Variants in SEPHS1 observed in about 807,000 individuals in gnomAD.
SEPHS1 encodes zincore component SEPHS1.
SEPHS1 carries 7 observed loss-of-function variants against 39.2 expected under a neutral mutation model. That is an observed-to-expected ratio of 0.18 (90% CI 0.10 to 0.34). SEPHS1 has a LOEUF of 0.34. Among genes scored for constraint, SEPHS1 ranks in the 10% least tolerant of loss-of-function variants. The pLI is 1.00. For synonymous variants in SEPHS1, 190 were observed against 195.5 expected (o/e 0.97, Z 0.23); for missense variants, 253 against 514.5 (o/e 0.49, Z 4.92).
intron 7 of SEPHS1, 51 bp downstream of exon 7, chr10:13,328,300 A>G: frequency 7.8e-7 from 1 of 1,285,778 alleles, no homozygotes. Context: ...AGCCTAAGAC[A>G]TTTACTGTCT....
In SEPHS1 at chr10:13,322,932, T is replaced by A. The variant is rs1379256827; in HGVS notation, c.867A>T (p.Val289=). 1 of 1,614,000 alleles carries A rather than the reference T, an allele frequency of 6.2e-7. No homozygotes were observed. The highest frequency in any genetic ancestry group is 8.5e-7 in the Non-Finnish European group (1 of 1,179,908). The change falls in exon 8 of 9, where the codon GTA becomes GTT. Residue 289 remains valine, a synonymous_variant. Transcript: ENST00000327347. The part of the protein sequence containing the change: ...AKQQRNEVSF[V]IHNLPVLAKM... ...TGGCCAGCACCGGGAGGTTGTGAAT[T>A]ACAAACGACACCTCGTTCCTCTGCT...
At chr10:13,322,106 C>A (rs976928388) in intron 8 of SEPHS1, 1 of 442,306 alleles carries the variant, frequency 2.3e-6, no homozygotes, top group Admixed American at 2.6e-5. Context: ...ACATAATATC[C>A]TATTGCATTC....
chr10:13,323,723 G>C (rs1306996877), intron 7 of SEPHS1, among the ~76,000 whole-genome samples: 1 of 151,600 alleles, frequency 6.6e-6, no homozygotes, highest in Non-Finnish European at 1.5e-5. Flanking sequence ...TTGCGTGCAA[G>C]TTTATTTTTA....
chr10:13,348,134 G>A lies in SEPHS1; in HGVS notation c.-213C>T, dbSNP rs1276291761. On this transcript the variant is annotated 5_prime_UTR_variant, in exon 1 of 9. Coordinates refer to ENST00000327347, the MANE Select transcript of SEPHS1 (RefSeq NM_012247.5). ...CGCCCGGCGGCGGCGGCGGCGGCGG[G>A]GGCCCGGGCCCGCGCCTGGGCGCCG... 2.1e-5 allele frequency: 3 copies of A among 144,240 alleles called. No individual in the cohort carries two copies. Among genetic ancestry groups the A allele is most frequent in the Admixed American group, 2.1e-4 (3 of 14,600 alleles). 8.9% of individuals were successfully genotyped at this position (144,240 alleles called of 1,614,324 possible).
intron 2 of SEPHS1, among the ~76,000 whole-genome samples, chr10:13,343,364 C>G (rs954903333): frequency 2.0e-5 from 3 of 152,158 alleles, no homozygotes; most frequent in Admixed American, 6.5e-5. Context: ...AACTGAGCTC[C>G]TCAAAGTCCT....
intron 7 of SEPHS1, among the ~76,000 whole-genome samples, chr10:13,326,544 C>T (rs1313219889): frequency 4.1e-5 from 6 of 145,296 alleles, no homozygotes; most frequent in Non-Finnish European, 8.9e-5. Flanking sequence ...TTCCTCTGAT[C>T]TATAACTTTT....
chr10:13,347,724 G>GCCGCCGCCCTCCCCTCCGCTCCTCC (rs1833969663), intron 1 of SEPHS1, among the ~76,000 whole-genome samples: 3 of 146,918 alleles, frequency 2.0e-5, no homozygotes, highest in Non-Finnish European at 3.0e-5. Context: ...CTGCGTGGCC[G>GCCGCCGCCCTCCCCTCCGCTCCTCC]CCGCCGCCCT....
intron 1 of SEPHS1, 78 bp from the exon 2 acceptor site, chr10:13,345,106 A>G (rs1345012045): frequency 4.2e-5 from 25 of 596,214 alleles, no homozygotes; most frequent in Non-Finnish European, 6.6e-5. Flanking sequence ...TGAATACATG[A>G]CAGCGAAAAG....
At chr10:13,328,591 G>T (rs955433270) in intron 6 of SEPHS1, 141 bp from the exon 7 acceptor site, 10 of 639,818 alleles carry the variant, frequency 1.6e-5, no homozygotes, top group Non-Finnish European at 2.7e-5. Context: ...TTCCAACTCT[G>T]GTTTTTCTGT....
Position 13,318,113 on chromosome 10 carries a change from T to C in SEPHS1, c.*1029A>G, listed in dbSNP as rs1351857190. The C allele has an allele frequency of 6.6e-6, 1 of 152,356 alleles. No homozygotes were observed. The highest frequency in any genetic ancestry group is 2.4e-5 in the African/African-American group (1 of 41,418). The allele number at this position is 152,356 out of a possible 1,614,324, so 9.4% of individuals were successfully genotyped here. A position where few individuals can be genotyped will look rare whatever the true frequency, so the allele number is the denominator to read the frequency against. ...ATTAAATATTTATTTGAATAACAAG[T>C]TTAAGTTCGAGCTGCAATGTTGGCA... On this transcript the variant is annotated 3_prime_UTR_variant, in exon 9 of 9. Coordinates refer to ENST00000327347, the MANE Select transcript of SEPHS1 (RefSeq NM_012247.5).
rs1340903716 is a variant in SEPHS1, at chr10:13,318,407, G to A, written c.*735C>T. The A allele has an allele frequency of 6.6e-6, 1 of 152,578 alleles. No individual in the cohort carries two copies. Among genetic ancestry groups the A allele is most frequent in the East Asian group, 1.9e-4 (1 of 5,190 alleles). The allele number at this position is 152,578 out of a possible 1,614,324, so 9.5% of individuals were successfully genotyped here. On this transcript the variant is annotated 3_prime_UTR_variant, in exon 9 of 9. Coordinates refer to ENST00000327347, the MANE Select transcript of SEPHS1 (RefSeq NM_012247.5). ...ACCTCCATTCGGAAGGCAATTCCTT[G>A]TAGCACTATAGAACATCTAATAACA...
intron 7 of SEPHS1, 95 bp downstream of exon 7, chr10:13,328,256 G>A: frequency 1.2e-6 from 1 of 815,580 alleles, no homozygotes; most frequent in Non-Finnish European, 2.0e-6. Context: ...CCAAAAATCT[G>A]GCCACCTACC....
intron 5 of SEPHS1, 102 bp downstream of exon 5, chr10:13,333,715 T>C (rs979098029): frequency 3.3e-6 from 4 of 1,209,878 alleles, no homozygotes; most frequent in Non-Finnish European, 3.5e-6. Context: ...TCTGGGATCA[T>C]ATGTGTGAGC....
At chr10:13,342,816 G>C (rs1319530375) in intron 2 of SEPHS1, among the ~76,000 whole-genome samples, 2 of 151,624 alleles carry the variant, frequency 1.3e-5, no homozygotes, top group African/African-American at 2.4e-5. Flanking sequence ...GCTCACTGTA[G>C]CCTCTGCCTC....
At chr10:13,332,381 G>A (rs1313765948) in intron 5 of SEPHS1, among the ~76,000 whole-genome samples, 2 of 152,194 alleles carry the variant, frequency 1.3e-5, no homozygotes, top group African/African-American at 4.8e-5. Context: ...AGGGAAATGG[G>A]AGTGAGCTAC....
At chr10:13,329,613 A>C (rs1278557385) in intron 6 of SEPHS1, 85 bp downstream of exon 6, 1 of 1,017,878 alleles carries the variant, frequency 9.8e-7, no homozygotes, top group African/African-American at 1.6e-5. Context: ...TGAAACTAAA[A>C]AACCTCATTT....
chr10:13,347,085 C>A (rs928582858), intron 1 of SEPHS1, among the ~76,000 whole-genome samples: 1 of 152,132 alleles, frequency 6.6e-6, no homozygotes, highest in African/African-American at 2.4e-5. Context: ...AGGGACGGTG[C>A]CCGGCGACCC....
At chr10:13,347,426 G>A (rs1236046976) in intron 1 of SEPHS1, 3 of 150,680 alleles carry the variant, frequency 2.0e-5, no homozygotes, top group South Asian at 2.1e-4. Context: ...AGCAGGCCCG[G>A]GCTGCGGGCC....
chr10:13,345,153 A>T, intron 1 of SEPHS1, 125 bp from the exon 2 acceptor site: 1 of 436,732 alleles, frequency 2.3e-6, no homozygotes. Context: ...AAGACCACTT[A>T]TATTCACCAC....
Sources: gnomAD v4.1 joint callset for allele counts (sites outside exome capture counted in the v4.1 genomes callset) on GRCh38, gnomAD v4.1.1 for gene constraint, MANE v1.5 for transcripts, NCBI Gene and HGNC (gene_info 2026-07-23, HGNC 2026-07-21) for gene names.